CCDC150: variants seen among roughly 807,000 people sequenced by gnomAD.
CCDC150 encodes the protein coiled-coil domain-containing protein 150.
Under a neutral mutation model 156.5 loss-of-function variants are expected in CCDC150, and 151 were observed. That is an observed-to-expected ratio of 0.97 (90% CI 0.85 to 1.10). The LOEUF is 1.10. Ranked by LOEUF, CCDC150 falls within the 50% of genes least tolerant of loss-of-function variation. The probability of loss-of-function intolerance (pLI) is 0.00; values close to 1 mark genes in which losing one functional copy is unlikely to be tolerated. For synonymous variants in CCDC150, 452 were observed against 429.4 expected, an observed-to-expected ratio of 1.05 and a Z score of -0.65; for missense variants, 1,312 against 1,268.1, an observed-to-expected ratio of 1.03 and a Z score of -0.53.
intron 1 of CCDC150, among the ~76,000 whole-genome samples, chr2:196,640,548 A>G (rs1692153466): frequency 6.6e-6 from 1 of 152,240 alleles, no homozygotes. Context: ...GGTATCTTTC[A>G]TGTTTTAAAT....
intron 25 of CCDC150, 69 bp from the exon 26 acceptor site, chr2:196,730,790 T>C (rs962765292): frequency 8.5e-7 from 1 of 1,181,414 alleles, no homozygotes; most frequent in Non-Finnish European, 1.2e-6. Context: ...CCATTTATTA[T>C]AACAGTGAAG....
intron 14 of CCDC150, among the ~76,000 whole-genome samples, chr2:196,698,866 G>A (rs1201080064): frequency 3.9e-5 from 6 of 152,098 alleles, no homozygotes; most frequent in Admixed American, 2.6e-4. Flanking sequence ...ACAGGCCCCA[G>A]TGTGTGATGT....
chr2:196,729,600 T>C (rs2125719891), intron 23 of CCDC150, 193 bp from the exon 24 acceptor site: 4 of 655,274 alleles, frequency 6.1e-6, no homozygotes, highest in Non-Finnish European at 1.1e-5. Context: ...TCCGGCTCCC[T>C]ATCTGTCCCT....
intron 7 of CCDC150, 64 bp downstream of exon 7, chr2:196,666,912 T>C (rs1485696318): frequency 1.3e-6 from 2 of 1,569,450 alleles, no homozygotes; most frequent in African/African-American, 2.7e-5. Context: ...GGAAAAACTC[T>C]TAAGATCCCA....
At position 196,729,726 on chromosome 2, in the gene CCDC150, T is replaced by G. The variant is rs533656361; in HGVS notation, c.2752-67T>G. 181 of 1,050,592 alleles carry G rather than the reference T, an allele frequency of 1.7e-4. 1 individual carries two copies. In the South Asian group the frequency reaches 2.7e-3, roughly 16 times the overall value. The allele number at this position is 1,050,592 out of a possible 1,614,324, so 65.1% of individuals were successfully genotyped here. A position where few individuals can be genotyped will look rare whatever the true frequency, so the allele number is the denominator to read the frequency against. ...ATATTGGATTCTTTCTGTCATCCTA[T>G]AGGCAAAAAGAGCAAGCCAGTTTTT... On this transcript the variant is annotated intron_variant, in intron 23 of 27. Coordinates refer to ENST00000389175, the MANE Select transcript of CCDC150 (RefSeq NM_001080539.2).
chr2:196,709,174 C>T (rs1276186549), intron 15 of CCDC150, among the ~76,000 whole-genome samples: 1 of 152,100 alleles, frequency 6.6e-6, no homozygotes, highest in Admixed American at 6.5e-5. Context: ...TTACATAGTC[C>T]CATATTTCTT....
At chr2:196,712,015 A>ATTT (rs200886098) in intron 15 of CCDC150, 130 bp from the exon 16 acceptor site, 29 of 269,092 alleles carry the variant, frequency 1.1e-4, no homozygotes, top group Middle Eastern at 1.0e-3. Context: ...ATTCTCTGTA[A>ATTT]TTTTTTTTTT....
Position 196,719,684 on chromosome 2 carries a change from TC to T in CCDC150, c.2165+21del. ...AAAGAAAGGTACCTGTGGTTTTTTTTCCCTGTCATTGGTATTGCTGGATTGT... is the reference window on the plus strand; with the variant it reads ...AAAGAAAGGTACCTGTGGTTTTTTTTCCTGTCATTGGTATTGCTGGATTGT... On this transcript the variant is annotated intron_variant, in intron 19 of 27. Coordinates refer to ENST00000389175, the MANE Select transcript of CCDC150 (RefSeq NM_001080539.2). 6.3e-7 allele frequency: 1 copy of T among 1,587,852 alleles called. No individual in the cohort carries two copies. Among genetic ancestry groups the T allele is most frequent in the Admixed American group, 1.8e-5 (1 of 56,544 alleles).
intron 15 of CCDC150, among the ~76,000 whole-genome samples, chr2:196,704,047 G>C (rs1362833106): frequency 6.6e-6 from 1 of 152,290 alleles, no homozygotes; most frequent in Non-Finnish European, 1.5e-5. Context: ...ACTCTTACAA[G>C]ACAATTTAAA....
At chr2:196,667,638 A>G (rs1220234103) in intron 7 of CCDC150, 1 of 152,302 alleles carries the variant, frequency 6.6e-6, no homozygotes, top group Non-Finnish European at 1.5e-5. Context: ...AAAATGGCAA[A>G]GTAAGACCTA....
intron 18 of CCDC150, chr2:196,719,292 A>G (rs556714768): frequency 2.7e-5 from 11 of 413,830 alleles, no homozygotes; most frequent in African/African-American, 1.0e-4. Context: ...GAGTTCACCA[A>G]CTTTTCTGGG....
intron 7 of CCDC150, 174 bp downstream of exon 7, chr2:196,667,022 T>A (rs886902465): frequency 1.4e-5 from 9 of 642,130 alleles, no homozygotes; most frequent in Non-Finnish European, 2.2e-5. Context: ...ACAGAAGGAT[T>A]GTTGTTAATA....
At chr2:196,712,902 T>C (rs970085441) in intron 17 of CCDC150, among the ~76,000 whole-genome samples, 163 bp downstream of exon 17, 2 of 152,214 alleles carry the variant, frequency 1.3e-5, no homozygotes, top group Admixed American at 1.3e-4. Context: ...CAGAAGAAAG[T>C]GACTCATTTC....
chr2:196,699,414 G>A (rs770754132), intron 14 of CCDC150, among the ~76,000 whole-genome samples: 1 of 152,106 alleles, frequency 6.6e-6, no homozygotes, highest in South Asian at 2.1e-4. Context: ...ACGGTAGGTG[G>A]TATACAAGGG....
intron 22 of CCDC150, 100 bp downstream of exon 22, chr2:196,726,199 A>C: frequency 8.8e-6 from 12 of 1,359,062 alleles, no homozygotes; most frequent in Non-Finnish European, 1.2e-5. Context: ...GACTCCTCTC[A>C]TCCCCCTTTG....
At chr2:196,676,029 AAATG>A in intron 10 of CCDC150, 110 bp from the exon 11 acceptor site, 1 of 948,348 alleles carries the variant, frequency 1.1e-6, no homozygotes, top group Non-Finnish European at 1.6e-6. Context: ...TTATTTATGT[AAATG>A]AAACTTGTTT....
Position 196,695,160 on chromosome 2 carries a change from G to T in CCDC150, c.1623+1G>T. ...GCAAGTCACTTCTGATTACCATGGGGTGGGTATAAAAAGATCAGTCTAAAT... is the reference window on the plus strand; with the variant it reads ...GCAAGTCACTTCTGATTACCATGGGTTGGGTATAAAAAGATCAGTCTAAAT... On this transcript the variant is annotated splice_donor_variant, in intron 14 of 27. Transcript: ENST00000389175. LOFTEE classifies it high-confidence loss of function. 3 of 1,555,358 alleles carry T rather than the reference G, an allele frequency of 1.9e-6. No homozygotes were observed. Among genetic ancestry groups the T allele is most frequent in the East Asian group, 2.2e-5 (1 of 44,560 alleles).
chr2:196,722,779 A>G (rs549170301), intron 21 of CCDC150, among the ~76,000 whole-genome samples: 10 of 152,274 alleles, frequency 6.6e-5, no homozygotes, highest in African/African-American at 2.4e-4. Flanking sequence ...TTAGGTAATT[A>G]TGATTTAGAG....
At chr2:196,641,276 C>T (rs902729937) in intron 1 of CCDC150, among the ~76,000 whole-genome samples, 3 of 152,092 alleles carry the variant, frequency 2.0e-5, no homozygotes, top group African/African-American at 7.2e-5. Flanking sequence ...CGCGCCCAGC[C>T]GTATTCTGGT....
Sources: gnomAD v4.1 joint callset for allele counts (sites outside exome capture counted in the v4.1 genomes callset) on GRCh38, gnomAD v4.1.1 for gene constraint, MANE v1.5 for transcripts, NCBI Gene and HGNC (gene_info 2026-07-23, HGNC 2026-07-21) for gene names.